The following DLG2 variants were observed in gnomAD, a reference collection of about 807,000 sequenced individuals.
DLG2 encodes discs large MAGUK scaffold protein 2, also known as disks large homolog 2.
DLG2 carries 45 observed loss-of-function variants against 132.5 expected under a neutral mutation model. The observed-to-expected ratio is 0.34, with a 90% CI of 0.27 to 0.44. The LOEUF (loss-of-function observed/expected upper bound fraction) is 0.44. Ranked by LOEUF, DLG2 falls within the 20% of genes least tolerant of loss-of-function variation. DLG2 has a pLI of 1.00. For missense variants in DLG2, 1,045 were observed against 1,196.9 expected (o/e 0.87, Z 1.87); for synonymous variants, 424 against 419.6 (o/e 1.01, Z -0.13).
chr11:84,768,891 T>C (rs2068821151), intron 6 of DLG2, among the ~76,000 whole-genome samples: 1 of 152,032 alleles, frequency 6.6e-6, no homozygotes, highest in South Asian at 2.1e-4. Context: ...AAGATTTCTC[T>C]CTAAAGCTGG....
rs2099699243 is a variant in DLG2, at chr11:84,665,840, G to C, written c.358-131109C>G. Among the ~76,000 whole-genome samples the C allele has an allele frequency of 1.3e-5, 2 of 152,148 alleles. 1 individual carries two copies. The highest frequency in any genetic ancestry group is 2.9e-5 in the Non-Finnish European group (2 of 68,018). Reference sequence around the variant, plus strand: ...GAAAAAGTGTGATGAGTGACTATTAGAGTTCTAGTGACCCATTCAATTTGT... The same window carrying C: ...GAAAAAGTGTGATGAGTGACTATTACAGTTCTAGTGACCCATTCAATTTGT... On this transcript the variant is annotated intron_variant, in intron 6 of 27. Transcript: ENST00000376104.
At chr11:84,390,627 G>T (rs79242454) in intron 7 of DLG2, among the ~76,000 whole-genome samples, 9 of 152,236 alleles carry the variant, frequency 5.9e-5, no homozygotes, top group Non-Finnish European at 1.2e-4. Context: ...GGGCCCAAAG[G>T]GGGAGCACTT....
intron 19 of DLG2, among the ~76,000 whole-genome samples, chr11:83,593,350 T>G (rs1377074798): frequency 6.6e-6 from 1 of 151,210 alleles, no homozygotes; most frequent in East Asian, 1.9e-4. Flanking sequence ...TGTAGGGACA[T>G]GGATGAAATT....
At chr11:83,911,488 A>C (rs1213969932) in intron 15 of DLG2, among the ~76,000 whole-genome samples, 1 of 151,098 alleles carries the variant, frequency 6.6e-6, no homozygotes, top group Admixed American at 6.6e-5. Context: ...ATTATTTTTT[A>C]ATGTGTGGGA....
chr11:84,996,653 T>G (rs898159861), intron 6 of DLG2, among the ~76,000 whole-genome samples: 2 of 152,288 alleles, frequency 1.3e-5, no homozygotes, highest in East Asian at 3.9e-4. Flanking sequence ...AAAATACTAA[T>G]CTAATGTGGG....
intron 7 of DLG2, among the ~76,000 whole-genome samples, chr11:84,365,468 G>C (rs1217102977): frequency 6.6e-6 from 1 of 151,776 alleles, no homozygotes; most frequent in African/African-American, 2.4e-5. Context: ...ACCAGCTCCT[G>C]GATTCATTAA....
intron 3 of DLG2, among the ~76,000 whole-genome samples, chr11:85,415,391 G>A (rs1473781172): frequency 2.6e-5 from 4 of 152,108 alleles, no homozygotes; most frequent in Non-Finnish European, 4.4e-5. Flanking sequence ...GGGACTGCTG[G>A]GTCAAATGGT....
intron 6 of DLG2, among the ~76,000 whole-genome samples, chr11:85,101,211 T>C (rs1265196982): frequency 1.3e-5 from 2 of 152,092 alleles, no homozygotes; most frequent in South Asian, 2.1e-4. Context: ...ATGTCCTCTC[T>C]TGAATTTCCA....
chr11:83,458,548 T>C lies in DLG2; in HGVS notation c.*1270A>G, dbSNP rs1443138326. On this transcript the variant is annotated 3_prime_UTR_variant, in exon 28 of 28. Coordinates refer to ENST00000376104, the MANE Select transcript of DLG2 (RefSeq NM_001142699.3). Reference sequence around the variant, plus strand: ...AGTGCATCTAGGAACAGATCTCTCATTGGCTCTAGTACCATCTCTGGATGT... The same window carrying C: ...AGTGCATCTAGGAACAGATCTCTCACTGGCTCTAGTACCATCTCTGGATGT... 29 of 152,628 alleles carry C rather than the reference T, an allele frequency of 1.9e-4. No individual in the cohort carries two copies. The highest frequency in any genetic ancestry group is 1.9e-3 in the Admixed American group (29 of 15,284). The allele number at this position is 152,628 out of a possible 1,614,324, so 9.5% of individuals were successfully genotyped here.
intron 6 of DLG2, among the ~76,000 whole-genome samples, chr11:84,864,716 A>G (rs1005299311): frequency 1.3e-5 from 2 of 152,182 alleles, no homozygotes; most frequent in African/African-American, 2.4e-5. Flanking sequence ...TGGCAGTGTA[A>G]CAATAGAGAT....
Position 83,859,816 on chromosome 11 carries a change from GA to G in DLG2, c.1565+14603del, listed in dbSNP as rs575248828. Among the ~76,000 whole-genome samples, 220 of 152,180 alleles carry G rather than the reference GA, an allele frequency of 1.4e-3. 1 individual carries two copies. The highest frequency in any genetic ancestry group is 4.9e-3 in the African/African-American group (203 of 41,522). On this transcript the variant is annotated intron_variant, in intron 16 of 27. Transcript: ENST00000376104. The stretch of plus-strand genomic sequence containing the variant: ...CTTCACAGCACTGGAGGTTTAGGGG[GA>G]AAAAATGGTTTTGTCGGCCAGGCCC...
intron 3 of DLG2, among the ~76,000 whole-genome samples, chr11:85,517,040 A>C (rs1196701278): frequency 1.3e-5 from 2 of 152,134 alleles, no homozygotes; most frequent in African/African-American, 4.8e-5. Context: ...AATATGAGAA[A>C]ACCAAATCCA....
chr11:85,405,398 A>G (rs963381443), intron 3 of DLG2, among the ~76,000 whole-genome samples: 1 of 152,012 alleles, frequency 6.6e-6, no homozygotes, highest in Non-Finnish European at 1.5e-5. Flanking sequence ...AATTTCAGGT[A>G]ATAACAGTTA....
intron 6 of DLG2, among the ~76,000 whole-genome samples, chr11:84,743,657 AATT>A (rs988597305): frequency 9.9e-5 from 15 of 152,172 alleles, no homozygotes; most frequent in African/African-American, 3.1e-4. Flanking sequence ...AAGGAGAAAT[AATT>A]TGCTATATGG....
chr11:84,996,078 A>T (rs2057623120), intron 6 of DLG2, among the ~76,000 whole-genome samples: 1 of 151,720 alleles, frequency 6.6e-6, no homozygotes, highest in Non-Finnish European at 1.5e-5. Flanking sequence ...TCTTTCTGGT[A>T]GCCTTTAAGA....
At chr11:85,066,893 C>A (rs2065010004) in intron 6 of DLG2, among the ~76,000 whole-genome samples, 1 of 151,668 alleles carries the variant, frequency 6.6e-6, no homozygotes. Flanking sequence ...CTCACTTTTA[C>A]CACTTCTATT....
At chr11:84,704,874 C>CATAT (rs1185944403) in intron 6 of DLG2, among the ~76,000 whole-genome samples, 1 of 148,926 alleles carries the variant, frequency 6.7e-6, no homozygotes, top group South Asian at 2.1e-4. Context: ...CACACACACA[C>CATAT]ATATATATAC....
chr11:84,805,466 C>G (rs2075890388), intron 6 of DLG2, among the ~76,000 whole-genome samples: 1 of 152,170 alleles, frequency 6.6e-6, no homozygotes, highest in African/African-American at 2.4e-5. Flanking sequence ...CAACTGTAAT[C>G]TCCAGTGTTG....
chr11:85,479,833 G>A (rs1428330433), intron 3 of DLG2, among the ~76,000 whole-genome samples: 3 of 152,168 alleles, frequency 2.0e-5, no homozygotes, highest in African/African-American at 7.2e-5. Context: ...TCCTTGGCTT[G>A]TAGATGGCTG....
Sources: gnomAD v4.1 joint callset for allele counts (sites outside exome capture counted in the v4.1 genomes callset) on GRCh38, gnomAD v4.1.1 for gene constraint, MANE v1.5 for transcripts, NCBI Gene and HGNC (gene_info 2026-07-23, HGNC 2026-07-21) for gene names.